CNTNAP2: variants seen among roughly 807,000 people sequenced by gnomAD.
The protein encoded by CNTNAP2 is contactin-associated protein-like 2.
A neutral mutation model predicts 155.2 loss-of-function variants in CNTNAP2; 98 were observed. The observed-to-expected ratio is 0.63, with a 90% CI of 0.54 to 0.75. The LOEUF (loss-of-function observed/expected upper bound fraction) is 0.75, where lower values mean the gene tolerates loss of function less well. Among genes scored for constraint, CNTNAP2 ranks in the 30% least tolerant of loss-of-function variants. CNTNAP2 has a pLI of 0.00. For missense variants in CNTNAP2, 1,727 were observed against 1,688.1 expected, an observed-to-expected ratio of 1.02 and a Z score of -0.40; for synonymous variants, 651 against 631.2, an observed-to-expected ratio of 1.03 and a Z score of -0.47.
intron 1 of CNTNAP2, among the ~76,000 whole-genome samples, chr7:146,599,850 T>TG (rs1288433981): frequency 2.6e-5 from 4 of 152,250 alleles, no homozygotes; most frequent in African/African-American, 7.2e-5. Context: ...ACTAAATTTT[T>TG]TGAATGAAAT....
At chr7:146,585,204 C>T (rs1798670369) in intron 1 of CNTNAP2, among the ~76,000 whole-genome samples, 1 of 152,116 alleles carries the variant, frequency 6.6e-6, no homozygotes, top group African/African-American at 2.4e-5. Flanking sequence ...TCACTGCAAC[C>T]TCTGACTCCC....
chr7:147,787,390 A>G (rs1160016574), intron 13 of CNTNAP2, among the ~76,000 whole-genome samples: 1 of 152,244 alleles, frequency 6.6e-6, no homozygotes, highest in Non-Finnish European at 1.5e-5. Flanking sequence ...TTTTGTAAAT[A>G]TCACTTTCAT....
At position 147,639,293 on chromosome 7, in the gene CNTNAP2, G is replaced by A. The variant is rs765389323; in HGVS notation, c.2085G>A (p.Leu695=). ...CCTATTTCTGCAAGATGTCAAGATT[G>A]TTGAACACCCCAGGTAGGCTGAGAA... ...YVSYFCKMSR[L]LNTPDGSPYT... Residue 695 remains leucine (L), a synonymous_variant, in exon 13 of 24, where the codon TTG becomes TTA. Transcript: ENST00000361727. 1.2e-6 allele frequency: 2 copies of A among 1,614,026 alleles called. No individual in the cohort carries two copies. The highest frequency in any genetic ancestry group is 2.2e-5 in the South Asian group (2 of 91,078).
At chr7:147,861,999 C>A (rs1379380639) in intron 13 of CNTNAP2, among the ~76,000 whole-genome samples, 15 of 94,956 alleles carry the variant, frequency 1.6e-4, no homozygotes, top group East Asian at 2.9e-4. Flanking sequence ...CTCCATCTCA[C>A]AAAAAAAAAA....
chr7:148,262,569 C>A (rs1245079056), intron 20 of CNTNAP2, among the ~76,000 whole-genome samples: 1 of 152,118 alleles, frequency 6.6e-6, no homozygotes, highest in African/African-American at 2.4e-5. Context: ...GGCCCTTCCT[C>A]ACGTCACTCT....
intron 1 of CNTNAP2, among the ~76,000 whole-genome samples, chr7:146,769,008 TATTTC>T (rs370862006): frequency 2.0e-5 from 3 of 152,356 alleles, no homozygotes; most frequent in African/African-American, 7.2e-5. Flanking sequence ...GGGCAACAGC[TATTTC>T]ATGTCTATTT....
intron 1 of CNTNAP2, among the ~76,000 whole-genome samples, chr7:146,166,167 C>T (rs1798309506): frequency 6.6e-6 from 1 of 152,086 alleles, no homozygotes; most frequent in South Asian, 2.1e-4. Context: ...GGTCTTGGCT[C>T]ACTGCAACCT....
chr7:148,361,766 G>A (rs762609130), intron 21 of CNTNAP2, among the ~76,000 whole-genome samples: 1 of 152,322 alleles, frequency 6.6e-6, no homozygotes, highest in South Asian at 2.1e-4. Flanking sequence ...AAGAAAAGAG[G>A]TTTAATTGAC....
chr7:146,564,171 G>C (rs1048520578), intron 1 of CNTNAP2, among the ~76,000 whole-genome samples: 2 of 152,070 alleles, frequency 1.3e-5, no homozygotes, highest in Non-Finnish European at 2.9e-5. Context: ...CAGAAGAAAA[G>C]TATCTTGGGA....
chr7:146,536,713 A>AC (rs1797874654), intron 1 of CNTNAP2, among the ~76,000 whole-genome samples: 2 of 152,072 alleles, frequency 1.3e-5, no homozygotes, highest in South Asian at 4.1e-4. Context: ...TGTGTGATAA[A>AC]ACACTCCAAG....
intron 1 of CNTNAP2, among the ~76,000 whole-genome samples, chr7:146,178,491 C>T (rs1003070593): frequency 1.3e-5 from 2 of 152,134 alleles, no homozygotes; most frequent in African/African-American, 4.8e-5. Context: ...AGATATTACT[C>T]CATACAATAC....
chr7:147,878,182 A>G (rs941910854), intron 13 of CNTNAP2, among the ~76,000 whole-genome samples: 3 of 150,702 alleles, frequency 2.0e-5, no homozygotes, highest in African/African-American at 7.3e-5. Flanking sequence ...GGAGTGATGT[A>G]TAGGTATTCT....
chr7:147,951,330 AT>A (rs1405747091), intron 14 of CNTNAP2, among the ~76,000 whole-genome samples: 2 of 152,230 alleles, frequency 1.3e-5, no homozygotes, highest in African/African-American at 4.8e-5. Context: ...TACAGAGCAA[AT>A]TGAGGTATTT....
At chr7:147,483,683 C>T (rs1798464544) in intron 10 of CNTNAP2, among the ~76,000 whole-genome samples, 1 of 152,146 alleles carries the variant, frequency 6.6e-6, no homozygotes, top group Non-Finnish European at 1.5e-5. Flanking sequence ...CATACAACAC[C>T]ATATACGTAC....
intron 9 of CNTNAP2, among the ~76,000 whole-genome samples, chr7:147,308,576 C>T (rs140586680): frequency 6.6e-6 from 1 of 152,304 alleles, no homozygotes; most frequent in African/African-American, 2.4e-5. Context: ...AAGGCTCATA[C>T]CTCCCCTTTC....
At chr7:146,346,233 G>A (rs1372868959) in intron 1 of CNTNAP2, among the ~76,000 whole-genome samples, 1 of 152,184 alleles carries the variant, frequency 6.6e-6, no homozygotes, top group African/African-American at 2.4e-5. Flanking sequence ...GGTGAGCCAG[G>A]AAAGCTTCAT....
intron 12 of CNTNAP2, among the ~76,000 whole-genome samples, chr7:147,587,875 T>C (rs2116838498): frequency 6.6e-6 from 1 of 152,268 alleles, no homozygotes; most frequent in Middle Eastern, 3.4e-3. Flanking sequence ...TTGCATTATT[T>C]AAAAGTATAT....
At chr7:146,673,151 T>C (rs76753117) in intron 1 of CNTNAP2, among the ~76,000 whole-genome samples, 3,316 of 152,248 alleles carry the variant, frequency 0.022, 90 homozygotes, top group African/African-American at 0.056. Context: ...ATAACCTTCA[T>C]TGGTCTTGAT....
intron 13 of CNTNAP2, among the ~76,000 whole-genome samples, chr7:147,848,814 A>G (rs1406286446): frequency 6.6e-6 from 1 of 152,238 alleles, no homozygotes; most frequent in Non-Finnish European, 1.5e-5. Flanking sequence ...TTCATAGAAT[A>G]GAATTTATGA....
Sources: gnomAD v4.1 joint callset for allele counts (sites outside exome capture counted in the v4.1 genomes callset) on GRCh38, gnomAD v4.1.1 for gene constraint, MANE v1.5 for transcripts, NCBI Gene and HGNC (gene_info 2026-07-23, HGNC 2026-07-21) for gene names.